The following PARM1 variants were observed in gnomAD, a reference collection of about 807,000 sequenced individuals.
PARM1 encodes the protein WSC4, cell wall integrity and stress response component 4 homolog.
PARM1 carries 14 observed loss-of-function variants against 24.6 expected under a neutral mutation model. The ratio of observed to expected loss-of-function variants is 0.57; its 90% CI spans 0.38 to 0.89. The LOEUF (loss-of-function observed/expected upper bound fraction) is 0.89, where lower values mean the gene tolerates loss of function less well. Among genes scored for constraint, PARM1 ranks in the 40% least tolerant of loss-of-function variants. The pLI is 0.00. For synonymous variants in PARM1, 179 were observed against 156.6 expected, an observed-to-expected ratio of 1.14 and a Z score of -1.07; for missense variants, 362 against 380.4, an observed-to-expected ratio of 0.95 and a Z score of 0.40.
intron 1 of PARM1, among the ~76,000 whole-genome samples, chr4:74,967,994 G>A (rs1472521057): frequency 3.3e-5 from 5 of 152,190 alleles, no homozygotes; most frequent in Admixed American, 3.3e-4. Flanking sequence ...TATTTCTGAA[G>A]TGTTTGCAGG....
chr4:75,044,661 G>A (rs776573052), intron 3 of PARM1, among the ~76,000 whole-genome samples: 1 of 152,142 alleles, frequency 6.6e-6, no homozygotes, highest in Non-Finnish European at 1.5e-5. Context: ...GGAGTCTGGG[G>A]TGGGGGTTGA....
chr4:74,999,179 G>A (rs771599412), intron 1 of PARM1: 5 of 152,238 alleles, frequency 3.3e-5, no homozygotes, highest in African/African-American at 4.8e-5. Context: ...TGTCTGTAAA[G>A]GACAATGATC....
At chr4:74,951,858 T>G (rs1721531699) in intron 1 of PARM1, among the ~76,000 whole-genome samples, 1 of 152,234 alleles carries the variant, frequency 6.6e-6, no homozygotes, top group Admixed American at 6.5e-5. Flanking sequence ...TTGGCTTGGT[T>G]CCAAGTCTTC....
intron 1 of PARM1, among the ~76,000 whole-genome samples, chr4:74,980,720 G>A (rs770914033): frequency 3.9e-5 from 6 of 152,072 alleles, no homozygotes; most frequent in Non-Finnish European, 7.4e-5. Context: ...CTGGTACAAG[G>A]TGAAAGTAAC....
In PARM1 at chr4:75,048,498, C is replaced by T. The variant is rs1395324629; in HGVS notation, c.*2251C>T. The T allele has an allele frequency of 6.6e-6, 1 of 152,214 alleles. No homozygotes were observed. Among genetic ancestry groups the T allele is most frequent in the Non-Finnish European group, 1.5e-5 (1 of 68,032 alleles). 9.4% of individuals were successfully genotyped at this position (152,214 alleles called of 1,614,324 possible). A position where few individuals can be genotyped will look rare whatever the true frequency, so the allele number is the denominator to read the frequency against. ...AAAGGAAAAGCAGATAAAAACAGAA[C>T]ATTCCATATGTTTCTTTCTCCATCG... On this transcript the variant is annotated 3_prime_UTR_variant, in exon 4 of 4. Transcript: ENST00000307428.
intron 1 of PARM1, among the ~76,000 whole-genome samples, chr4:75,005,069 G>A (rs752144890): frequency 2.6e-5 from 4 of 152,114 alleles, no homozygotes; most frequent in African/African-American, 7.2e-5. Flanking sequence ...TATGTAAAGC[G>A]CTCAGTACAC....
At chr4:74,952,425 A>G (rs1049939428) in intron 1 of PARM1, among the ~76,000 whole-genome samples, 9 of 152,208 alleles carry the variant, frequency 5.9e-5, no homozygotes, top group Admixed American at 1.3e-4. Flanking sequence ...TTTGCTGTGC[A>G]GAAGCTCTTT....
At chr4:74,987,398 A>C (rs1334118681) in intron 1 of PARM1, among the ~76,000 whole-genome samples, 1 of 152,164 alleles carries the variant, frequency 6.6e-6, no homozygotes, top group Admixed American at 6.6e-5. Context: ...ATAGACATTA[A>C]TAGTTGTTGA....
intron 1 of PARM1, among the ~76,000 whole-genome samples, chr4:75,010,935 G>A (rs998284895): frequency 6.6e-6 from 1 of 152,224 alleles, no homozygotes; most frequent in Non-Finnish European, 1.5e-5. Flanking sequence ...TACAAGCACA[G>A]CACCAGCATC....
chr4:74,933,340 ACT>A lies in PARM1; in HGVS notation c.18_19del (p.Phe7ArgfsTer37). 1.9e-6 allele frequency: 3 copies of A among 1,611,806 alleles called. No homozygotes were observed. The highest frequency in any genetic ancestry group is 2.5e-6 in the Non-Finnish European group (3 of 1,179,196). ...ATACCAGGCTACCATGGTCTACAAG[ACT>A]CTCTTCGCTCTTTGCATCTTAACTG... MVYKTLFALCILTAG... is the reference protein window; with the variant it reads MVYKXLFALCILTAG... On this transcript the variant is annotated frameshift_variant, in exon 1 of 4. Transcript: ENST00000307428. LOFTEE classifies it high-confidence loss of function.
intron 1 of PARM1, among the ~76,000 whole-genome samples, chr4:74,944,328 A>G (rs1014876411): frequency 1.3e-5 from 2 of 152,220 alleles, no homozygotes; most frequent in African/African-American, 4.8e-5. Context: ...AGAGGATGAC[A>G]CTTTGTGTTT....
intron 1 of PARM1, 54 bp downstream of exon 1, chr4:74,933,424 T>C: frequency 6.6e-7 from 1 of 1,512,872 alleles, no homozygotes. Context: ...CCCCAGTAGC[T>C]AGCGCGTGGT....
intron 1 of PARM1, among the ~76,000 whole-genome samples, chr4:74,971,166 C>T (rs754327413): frequency 3.2e-4 from 48 of 152,320 alleles, no homozygotes; most frequent in Middle Eastern, 3.4e-3. Flanking sequence ...TTAATGGACT[C>T]ACAGTTCCAC....
At chr4:75,000,120 T>C (rs183376709) in intron 1 of PARM1, among the ~76,000 whole-genome samples, 50 of 152,240 alleles carry the variant, frequency 3.3e-4, no homozygotes, top group African/African-American at 1.2e-3. Flanking sequence ...GCTGATGCCA[T>C]GAGGAGTAAT....
chr4:74,947,845 C>A (rs529594321), intron 1 of PARM1, among the ~76,000 whole-genome samples: 1 of 152,292 alleles, frequency 6.6e-6, no homozygotes, highest in East Asian at 1.9e-4. Flanking sequence ...GTCCTCTAGA[C>A]CTCCTAGTTG....
At chr4:74,969,873 G>C (rs1337234318) in intron 1 of PARM1, 1 of 152,228 alleles carries the variant, frequency 6.6e-6, no homozygotes, top group Non-Finnish European at 1.5e-5. Flanking sequence ...CTGTTTTTGA[G>C]ATTGTAGAAA....
Position 74,984,848 on chromosome 4 carries a change from G to C in PARM1, c.44-27577G>C, listed in dbSNP as rs1351519561. Among the ~76,000 whole-genome samples the C allele has an allele frequency of 4.6e-5, 7 of 152,134 alleles. No homozygotes were observed. The South Asian group carries it at 1.4e-3, about 32-fold the overall frequency. On this transcript the variant is annotated intron_variant, in intron 1 of 3. Transcript: ENST00000307428. ...AGATTGTTAAAGAAAAGCACACTAA[G>C]AAGAATATGCAGTAGAGACTATATG...
intron 2 of PARM1, among the ~76,000 whole-genome samples, chr4:75,013,940 G>A (rs1446977407): frequency 3.9e-5 from 6 of 152,146 alleles, no homozygotes; most frequent in Admixed American, 3.9e-4. Context: ...TAGGGTACTG[G>A]GCAGGAAGAG....
chr4:74,989,841 A>G (rs1217533310), intron 1 of PARM1, among the ~76,000 whole-genome samples: 1 of 152,190 alleles, frequency 6.6e-6, no homozygotes, highest in Non-Finnish European at 1.5e-5. Flanking sequence ...TAGGAGATGT[A>G]TGTCAGAAAA....
Sources: allele counts gnomAD v4.1 joint callset (sites outside exome capture counted in the v4.1 genomes callset), GRCh38; gene constraint gnomAD v4.1.1; transcripts MANE v1.5; gene names NCBI Gene and HGNC (gene_info 2026-07-23, HGNC 2026-07-21).